Variants in TMEM151A observed in about 807,000 individuals in gnomAD.
TMEM151A encodes the protein transmembrane protein 151.
Under a neutral mutation model 33.7 loss-of-function variants are expected in TMEM151A, and 21 were observed. That is an observed-to-expected ratio of 0.62 (90% CI 0.44 to 0.90). The LOEUF (loss-of-function observed/expected upper bound fraction) is 0.90. Ranked by LOEUF, TMEM151A falls within the 40% of genes least tolerant of loss-of-function variation. TMEM151A has a pLI of 0.00. For synonymous variants in TMEM151A, 374 were observed against 330.3 expected, an observed-to-expected ratio of 1.13 and a Z score of -1.43; for missense variants, 704 against 697.7, an observed-to-expected ratio of 1.01 and a Z score of -0.10.
rs935479169 is a variant in TMEM151A at position 66,292,740 on chromosome 11, T to G, written c.75+652T>G. On this transcript the variant is annotated intron_variant, in intron 1 of 1. Transcript: ENST00000327259. The surrounding 1 kb of genome is among the most constrained non-coding windows in gnomAD (Gnocchi z 4.7). ...GTGTGTGTTGTGTGGGTGTGTGAATTGGGTGTGTGCGCCCTGTAGTCAGGT... is the reference window on the plus strand; with the variant it reads ...GTGTGTGTTGTGTGGGTGTGTGAATGGGGTGTGTGCGCCCTGTAGTCAGGT... 2.0e-5 allele frequency among the ~76,000 whole-genome samples: 3 copies of G among 151,708 alleles called. No homozygotes were observed. The highest frequency in any genetic ancestry group is 1.3e-4 in the Admixed American group (2 of 15,246).
In TMEM151A at chr11:66,295,223, C is replaced by A. The variant is rs771225955; in HGVS notation, c.977C>A (p.Pro326Gln). The A allele has an allele frequency of 2.7e-5, 42 of 1,567,050 alleles. No homozygotes were observed. The highest frequency in any genetic ancestry group is 3.5e-5 in the Non-Finnish European group (40 of 1,157,148). Reference protein sequence around the residue: ...EKLFGASSPPPGAVPSGPPLS... With the variant: ...EKLFGASSPPQGAVPSGPPLS... ...CTCTTTGGCGCCAGCTCGCCCCCGC[C>A]GGGGGCCGTGCCCAGCGGGCCCCCG... The change falls in exon 2 of 2, where the codon CCG becomes CAG. Residue 326 changes from proline (P) to glutamine (Q), a missense_variant. Transcript: ENST00000327259.
rs977533504 is a variant in TMEM151A, at chr11:66,296,034, G to A, written c.*381G>A. ...CCCTACCGGGGCTGAGGCCATGCTGGGAGCCCCCCCAGTGACGCAGAAGCA... is the reference window on the plus strand; with the variant it reads ...CCCTACCGGGGCTGAGGCCATGCTGAGAGCCCCCCCAGTGACGCAGAAGCA... On this transcript the variant is annotated 3_prime_UTR_variant, in exon 2 of 2. Transcript: ENST00000327259. 1.8e-4 allele frequency: 31 copies of A among 174,916 alleles called. No individual in the cohort carries two copies. The highest frequency in any genetic ancestry group is 1.5e-3 in the East Asian group (11 of 7,222). 10.8% of individuals were successfully genotyped at this position (174,916 alleles called of 1,614,324 possible).
chr11:66,292,413 C>T lies in TMEM151A; in HGVS notation c.75+325C>T, dbSNP rs1466171068. On this transcript the variant is annotated intron_variant, in intron 1 of 1. Transcript: ENST00000327259. This position sits in a 1 kb window ranked among gnomAD's most constrained non-coding sequence, Gnocchi z 4.7. Reference sequence around the variant, plus strand: ...GATGCTGCCCCCACCCCCAGGGCCGCGGGGTCAGGTCCCCAGCCCGGCCCA... The same window carrying T: ...GATGCTGCCCCCACCCCCAGGGCCGTGGGGTCAGGTCCCCAGCCCGGCCCA... 6.6e-6 allele frequency among the ~76,000 whole-genome samples: 1 copy of T among 152,192 alleles called. No individual in the cohort carries two copies. The highest frequency in any genetic ancestry group is 1.5e-5 in the Non-Finnish European group (1 of 68,026).
In TMEM151A at chr11:66,294,485, G is replaced by A. The variant is rs754386612; in HGVS notation, c.239G>A (p.Arg80Gln). 6.2e-6 allele frequency: 10 copies of A among 1,602,942 alleles called. No individual in the cohort carries two copies. The highest frequency in any genetic ancestry group is 3.4e-5 in the Admixed American group (2 of 58,612). The stretch of plus-strand genomic sequence containing the variant: ...CTGGGGCCCGAGGCCGCCTTGGCCC[G>A]GGGAGCCGGGGGCCCGCCACCGACC... ...LVLGPEAALA[R>Q]GAGGPPPTYP... The change falls in exon 2 of 2, where the codon CGG becomes CAG. Residue 80 changes from arginine to glutamine, a missense_variant. This residue lies in a region of TMEM151A where 301 missense variants were observed against 323.4 expected (regional missense o/e 0.93). Transcript: ENST00000327259.
chr11:66,294,801 C>G lies in TMEM151A; in HGVS notation c.555C>G (p.Asp185Glu). 1.3e-6 allele frequency: 2 copies of G among 1,543,458 alleles called. No homozygotes were observed. ...CGCAGGTGTACCATGAGCGCGCTGA[C>G]AGCCGCACGGCCCGCGGCGAGTTTG... Reference protein sequence around the residue: ...TTTQVYHERADSRTARGEFDY... With the variant: ...TTTQVYHERAESRTARGEFDY... The change falls in exon 2 of 2, where the codon GAC (aspartate) becomes GAG (glutamate). Residue 185 changes from aspartate (D) to glutamate (E), a missense_variant. Physicochemically the swap from Asp to Glu is conservative, Grantham distance 45. Coordinates refer to ENST00000327259, the MANE Select transcript of TMEM151A (RefSeq NM_153266.4).
chr11:66,292,202 A>G lies in TMEM151A; in HGVS notation c.75+114A>G, dbSNP rs1857462872. On this transcript the variant is annotated intron_variant, in intron 1 of 1. Coordinates refer to ENST00000327259, the MANE Select transcript of TMEM151A (RefSeq NM_153266.4). The surrounding 1 kb of genome is among the most constrained non-coding windows in gnomAD (Gnocchi z 4.7). Reference sequence around the variant, plus strand: ...GGAAGTCCCAGAGCCCCTACGGCCAATGACGTCATTGGGGTCACCTGCGCC... The same window carrying G: ...GGAAGTCCCAGAGCCCCTACGGCCAGTGACGTCATTGGGGTCACCTGCGCC... 7 of 926,970 alleles carry G rather than the reference A, an allele frequency of 7.6e-6. 1 individual carries two copies. The South Asian group carries it at 1.3e-4, about 17-fold the overall frequency. The allele number at this position is 926,970 out of a possible 1,614,324, so 57.4% of individuals were successfully genotyped here.
Position 66,294,482 on chromosome 11 carries a change from C to A in TMEM151A, c.236C>A (p.Ala79Asp), listed in dbSNP as rs371186506. Residue 79 changes from alanine (A) to aspartate (D), a missense_variant, in exon 2 of 2, where the codon GCC becomes GAC. Physicochemically the swap from Ala to Asp is moderately radical, Grantham distance 126. This residue lies in a region of TMEM151A where 301 missense variants were observed against 323.4 expected (regional missense o/e 0.93). Transcript: ENST00000327259. ...RLVLGPEAAL[A>D]RGAGGPPPTY... ...GTCCTGGGGCCCGAGGCCGCCTTGG[C>A]CCGGGGAGCCGGGGGCCCGCCACCG... 3.1e-5 allele frequency: 50 copies of A among 1,604,460 alleles called. No individual in the cohort carries two copies. In the East Asian group the frequency reaches 4.5e-4, roughly 14 times the overall value.
rs745585578 is a variant in TMEM151A at position 66,295,034 on chromosome 11, A to G, written c.788A>G (p.Asp263Gly). 1.3e-6 allele frequency: 2 copies of G among 1,598,972 alleles called. No homozygotes were observed. Among genetic ancestry groups the G allele is most frequent in the South Asian group, 1.1e-5 (1 of 90,956 alleles). Residue 263 changes from aspartate to glycine, a missense_variant, in exon 2 of 2, where the codon GAC (aspartate) becomes GGC (glycine). Asp to Gly is a moderately conservative substitution (Grantham distance 94, BLOSUM62 -1). Coordinates refer to ENST00000327259, the MANE Select transcript of TMEM151A (RefSeq NM_153266.4). Reference sequence around the variant, plus strand: ...GCGCGCGAGGGCATGCACCTGAAGGACGTAGACTTCCGCGAGTCGCTCATG... The same window carrying G: ...GCGCGCGAGGGCATGCACCTGAAGGGCGTAGACTTCCGCGAGTCGCTCATG... ...LEAREGMHLKDVDFRESLMVF... is the reference protein window; with the variant it reads ...LEAREGMHLKGVDFRESLMVF...
Position 66,292,442 on chromosome 11 carries a change from G to A in TMEM151A, c.75+354G>A, listed in dbSNP as rs1390232510. Among the ~76,000 whole-genome samples, 2 of 152,182 alleles carry A rather than the reference G, an allele frequency of 1.3e-5. No homozygotes were observed. The highest frequency in any genetic ancestry group is 6.5e-5 in the Admixed American group (1 of 15,282). ...GTCAGGTCCCCAGCCCGGCCCAGCC[G>A]CTCACGAGGTGTCCGGGCAGCGCCT... On this transcript the variant is annotated intron_variant, in intron 1 of 1. Coordinates refer to ENST00000327259, the MANE Select transcript of TMEM151A (RefSeq NM_153266.4). This position sits in a 1 kb window ranked among gnomAD's most constrained non-coding sequence, Gnocchi z 4.7.
rs1326101036 is a variant in TMEM151A, at chr11:66,292,169, C to T, written c.75+81C>T. 2.5e-6 allele frequency: 3 copies of T among 1,215,870 alleles called. No individual in the cohort carries two copies. Among genetic ancestry groups the T allele is most frequent in the African/African-American group, 1.6e-5 (1 of 62,198 alleles). The allele number at this position is 1,215,870 out of a possible 1,614,324, so 75.3% of individuals were successfully genotyped here. On this transcript the variant is annotated intron_variant, in intron 1 of 1. Transcript: ENST00000327259. This position sits in a 1 kb window ranked among gnomAD's most constrained non-coding sequence, Gnocchi z 4.7. ...GCAAAAGGCGACCCCAAGAGAGGGG[C>T]TGAGGAGGGAAGTCCCAGAGCCCCT...
Position 66,295,909 on chromosome 11 carries a change from T to C in TMEM151A, c.*256T>C. The C allele has an allele frequency of 2.7e-6, 1 of 375,600 alleles. No individual in the cohort carries two copies. Among genetic ancestry groups the C allele is most frequent in the Non-Finnish European group, 4.7e-6 (1 of 211,564 alleles). The allele number at this position is 375,600 out of a possible 1,614,324, so 23.3% of individuals were successfully genotyped here. On this transcript the variant is annotated 3_prime_UTR_variant, in exon 2 of 2. Coordinates refer to ENST00000327259, the MANE Select transcript of TMEM151A (RefSeq NM_153266.4). ...TGGCCGATGATCTGGCCTGAAGGCC[T>C]CTCACAAAGGGCAGGAGAAGAAGCT...
Position 66,294,494 on chromosome 11 carries a change from G to C in TMEM151A, c.248G>C (p.Gly83Ala). The C allele has an allele frequency of 1.2e-6, 2 of 1,604,612 alleles. No homozygotes were observed. The highest frequency in any genetic ancestry group is 1.1e-5 in the South Asian group (1 of 90,422). Residue 83 changes from glycine to alanine, a missense_variant, in exon 2 of 2, where the codon GGG (glycine) becomes GCG (alanine). Physicochemically the swap from Gly to Ala is moderately conservative, Grantham distance 60. This residue lies in a region of TMEM151A where 301 missense variants were observed against 323.4 expected (regional missense o/e 0.93). Coordinates refer to ENST00000327259, the MANE Select transcript of TMEM151A (RefSeq NM_153266.4). The stretch of plus-strand genomic sequence containing the variant: ...GAGGCCGCCTTGGCCCGGGGAGCCG[G>C]GGGCCCGCCACCGACCTACCCGGCC... ...GPEAALARGA[G>A]GPPPTYPASP...
intron 1 of TMEM151A, 29 bp from the exon 2 acceptor site, chr11:66,294,293 C>T: frequency 6.3e-7 from 1 of 1,599,242 alleles, no homozygotes; most frequent in Non-Finnish European, 8.5e-7. Context: ...CCACCTGACA[C>T]AGACTTCCCT....
chr11:66,295,725 T>C lies in TMEM151A; in HGVS notation c.*72T>C, dbSNP rs1026859214. The C allele has an allele frequency of 2.3e-5, 30 of 1,319,052 alleles. No individual in the cohort carries two copies. The South Asian group carries it at 2.3e-4, about 10-fold the overall frequency. 81.7% of individuals were successfully genotyped at this position (1,319,052 alleles called of 1,614,324 possible). Reference sequence around the variant, plus strand: ...TGGGCTTAGATGCCCGAGTGATTGTTGTCCAAAACAGGCGGGAAAACAGAC... The same window carrying C: ...TGGGCTTAGATGCCCGAGTGATTGTCGTCCAAAACAGGCGGGAAAACAGAC... On this transcript the variant is annotated 3_prime_UTR_variant, in exon 2 of 2. Coordinates refer to ENST00000327259, the MANE Select transcript of TMEM151A (RefSeq NM_153266.4).
Position 66,295,751 on chromosome 11 carries a change from C to G in TMEM151A, c.*98C>G. On this transcript the variant is annotated 3_prime_UTR_variant, in exon 2 of 2. Transcript: ENST00000327259. ...GTCCAAAACAGGCGGGAAAACAGAC[C>G]AGCCACACACAAGGGGCAGGGGTGA... The G allele has an allele frequency of 8.5e-7, 1 of 1,174,968 alleles. No individual in the cohort carries two copies. Among genetic ancestry groups the G allele is most frequent in the Non-Finnish European group, 1.1e-6 (1 of 898,810 alleles). 72.8% of individuals were successfully genotyped at this position (1,174,968 alleles called of 1,614,324 possible). A position where few individuals can be genotyped will look rare whatever the true frequency, so the allele number is the denominator to read the frequency against.
chr11:66,295,665 G>A lies in TMEM151A; in HGVS notation c.*12G>A. ...AGGGTGCTCTCTGAGACCCCCCACGGCCCCCAGAGTGGCCCCCTCCCCACC... is the reference window on the plus strand; with the variant it reads ...AGGGTGCTCTCTGAGACCCCCCACGACCCCCAGAGTGGCCCCCTCCCCACC... On this transcript the variant is annotated 3_prime_UTR_variant, in exon 2 of 2. Coordinates refer to ENST00000327259, the MANE Select transcript of TMEM151A (RefSeq NM_153266.4). The A allele has an allele frequency of 2.7e-6, 4 of 1,479,504 alleles. No individual in the cohort carries two copies. The highest frequency in any genetic ancestry group is 1.5e-5 in the African/African-American group (1 of 67,946). The allele number at this position is 1,479,504 out of a possible 1,614,324, so 91.6% of individuals were successfully genotyped here.
chr11:66,292,852 C>T lies in TMEM151A; in HGVS notation c.75+764C>T, dbSNP rs568013213. On this transcript the variant is annotated intron_variant, in intron 1 of 1. Transcript: ENST00000327259. The surrounding 1 kb of genome is among the most constrained non-coding windows in gnomAD (Gnocchi z 4.7). ...TGAGTCCCTTTGTGGGCAGGTCTCT[C>T]CCTGTGGAGTCTGAGGAGCCTGGGG... is the stretch of plus-strand genomic sequence containing the variant. Among the ~76,000 whole-genome samples the T allele has an allele frequency of 1.4e-5, 2 of 147,578 alleles. No homozygotes were observed. The highest frequency in any genetic ancestry group is 2.0e-4 in the East Asian group (1 of 5,012).
In TMEM151A at chr11:66,294,789, T is replaced by C. The variant is rs945073907; in HGVS notation, c.543T>C (p.His181=). 3.9e-5 allele frequency: 61 copies of C among 1,544,508 alleles called. 1 individual carries two copies. The highest frequency in any genetic ancestry group is 5.0e-5 in the Non-Finnish European group (57 of 1,146,718). ...GDAYTTTQVY[H]ERADSRTARG... is the part of the protein sequence containing the mutation. The stretch of plus-strand genomic sequence containing the variant: ...CCTACACCACCACGCAGGTGTACCA[T>C]GAGCGCGCTGACAGCCGCACGGCCC... Residue 181 remains histidine (H), a synonymous_variant, in exon 2 of 2, where the codon CAT becomes CAC. Coordinates refer to ENST00000327259, the MANE Select transcript of TMEM151A (RefSeq NM_153266.4).
chr11:66,293,227 G>A (rs1857474675), intron 1 of TMEM151A, among the ~76,000 whole-genome samples: 2 of 152,236 alleles, frequency 1.3e-5, no homozygotes, highest in South Asian at 4.1e-4. Flanking sequence ...TGGGTGATGG[G>A]GACAGGCTGT....
Sources: gnomAD v4.1 joint callset for allele counts (sites outside exome capture counted in the v4.1 genomes callset) on GRCh38, gnomAD v4.1.1 for gene constraint, gnomAD v4.1.1 regional missense constraint, Gnocchi (gnomAD v3.1) non-coding constraint, MANE v1.5 for transcripts, NCBI Gene and HGNC (gene_info 2026-07-23, HGNC 2026-07-21) for gene names.